ZBTB46: variants seen among roughly 807,000 people sequenced by gnomAD.
The protein encoded by ZBTB46 is zinc finger and BTB domain containing 46, also known as zinc finger and BTB domain-containing protein 46.
Under a neutral mutation model 44.1 loss-of-function variants are expected in ZBTB46, and 8 were observed. The observed-to-expected ratio is 0.18, with a 90% CI of 0.11 to 0.33. The LOEUF (loss-of-function observed/expected upper bound fraction) is 0.33, where lower values mean the gene tolerates loss of function less well. ZBTB46 is among the 10% of genes least tolerant of loss of function. The pLI is 1.00. For missense variants in ZBTB46, 651 were observed against 847.7 expected (o/e 0.77, Z 2.88); for synonymous variants, 409 against 382.3 (o/e 1.07, Z -0.81).
chr20:63,746,709 C>T lies in ZBTB46; in HGVS notation c.*221G>A. ...CCTTCACTCAAACCCACCCTGTGCC[C>T]TCCCCCAACTCACTTCATGTCTGGT... is the stretch of plus-strand genomic sequence containing the variant. On this transcript the variant is annotated 3_prime_UTR_variant, in exon 5 of 5. Transcript: ENST00000245663. The T allele has an allele frequency of 1.5e-6, 1 of 655,660 alleles. No homozygotes were observed. The highest frequency in any genetic ancestry group is 2.4e-6 in the Non-Finnish European group (1 of 425,264). 40.6% of individuals were successfully genotyped at this position (655,660 alleles called of 1,614,324 possible). A position where few individuals can be genotyped will look rare whatever the true frequency, so the allele number is the denominator to read the frequency against.
At chr20:63,776,007 G>C (rs1601442553) in intron 2 of ZBTB46, 45 bp from the exon 3 acceptor site, 4 of 1,502,668 alleles carry the variant, frequency 2.7e-6, no homozygotes, top group Non-Finnish European at 3.5e-6. Flanking sequence ...GTCGTTCCCA[G>C]ACTCTCCAAG....
chr20:63,774,690 T>G (rs910770242), intron 3 of ZBTB46, among the ~76,000 whole-genome samples: 21 of 38,804 alleles, frequency 5.4e-4, no homozygotes, highest in South Asian at 1.7e-3. Flanking sequence ...CTGCGGTGGG[T>G]TTTTTTTGTT....
At chr20:63,828,820 G>A (rs1391876594) in intron 1 of ZBTB46, among the ~76,000 whole-genome samples, 1 of 152,244 alleles carries the variant, frequency 6.6e-6, no homozygotes, top group South Asian at 2.1e-4. Flanking sequence ...TCAGGCTGTG[G>A]AGCCGTCTAG....
At position 63,747,047 on chromosome 20, in the gene ZBTB46, G is replaced by A. The variant is rs200784759; in HGVS notation, c.1653C>T (p.Asp551=). The change falls in exon 5 of 5, where the codon GAC becomes GAT. Residue 551 remains aspartate (D), a synonymous_variant. Coordinates refer to ENST00000245663, the MANE Select transcript of ZBTB46 (RefSeq NM_001369741.1). ...CATCCTCAGGGGCCAGGCCCTCGTC[G>A]TCCTCGCCCAGCTCCTCCGCCTCCC... is the stretch of plus-strand genomic sequence containing the variant. The part of the protein sequence containing the change: ...PRGEAEELGE[D]DEGLAPEDAL... 1.3e-5 allele frequency: 21 copies of A among 1,608,186 alleles called. No homozygotes were observed. In the Middle Eastern group the frequency reaches 4.9e-4, roughly 38 times the overall value.
At chr20:63,824,395 A>G (rs2092809202) in intron 1 of ZBTB46, among the ~76,000 whole-genome samples, 1 of 152,190 alleles carries the variant, frequency 6.6e-6, no homozygotes, top group Non-Finnish European at 1.5e-5. Flanking sequence ...ATGGCATGGA[A>G]AGAGAACACC....
At chr20:63,753,704 G>A (rs930441341) in intron 3 of ZBTB46, among the ~76,000 whole-genome samples, 2 of 152,288 alleles carry the variant, frequency 1.3e-5, no homozygotes, top group Non-Finnish European at 2.9e-5. Flanking sequence ...TTGCTGCTGT[G>A]CAGGACATCT....
At chr20:63,798,914 T>C (rs2092623703) in intron 1 of ZBTB46, among the ~76,000 whole-genome samples, 1 of 151,816 alleles carries the variant, frequency 6.6e-6, no homozygotes, top group African/African-American at 2.4e-5. Context: ...CCCTTGGCTC[T>C]AGAATCAAAC....
chr20:63,766,885 C>A (rs1407933963), intron 3 of ZBTB46, among the ~76,000 whole-genome samples: 1 of 152,192 alleles, frequency 6.6e-6, no homozygotes, highest in East Asian at 1.9e-4. Context: ...GGCCTGGGAG[C>A]GGGCTCCCCC....
intron 1 of ZBTB46, among the ~76,000 whole-genome samples, chr20:63,795,307 G>A (rs746139268): frequency 6.6e-6 from 1 of 152,236 alleles, no homozygotes; most frequent in Non-Finnish European, 1.5e-5. Context: ...CCGTGCAGGT[G>A]CTGGGGGCAC....
chr20:63,791,140 G>C (rs993949329), intron 1 of ZBTB46, among the ~76,000 whole-genome samples: 2 of 152,108 alleles, frequency 1.3e-5, no homozygotes, highest in African/African-American at 4.8e-5. Flanking sequence ...CTGAGAACTC[G>C]GTTAAATGAC....
chr20:63,789,957 C>T lies in ZBTB46; in HGVS notation c.801G>A (p.Thr267=), dbSNP rs116858325. The change falls in exon 2 of 5, where the codon ACG becomes ACA. Residue 267 remains threonine, a synonymous_variant. Coordinates refer to ENST00000245663, the MANE Select transcript of ZBTB46 (RefSeq NM_001369741.1). ...TGTTTTTCCGATTCTTCCTTCGGCC[C>T]GTGGGCTGCCAGGCATCACCAGCAC... The part of the protein sequence containing the change: ...EQSAGDAWQP[T]GRRKNRKNKE... 4.2e-3 allele frequency: 6,720 copies of T among 1,614,124 alleles called. 23 individuals are homozygous for T. The highest frequency in any genetic ancestry group is 5.3e-3 in the Non-Finnish European group (6,270 of 1,180,042).
At chr20:63,765,736 C>T (rs553923437) in intron 3 of ZBTB46, among the ~76,000 whole-genome samples, 2 of 152,208 alleles carry the variant, frequency 1.3e-5, no homozygotes, top group Non-Finnish European at 2.9e-5. Flanking sequence ...ACTTCATATG[C>T]TGAATGAATG....
intron 1 of ZBTB46, among the ~76,000 whole-genome samples, chr20:63,829,773 C>T (rs796136034): frequency 3.3e-5 from 5 of 152,374 alleles, no homozygotes; most frequent in African/African-American, 1.2e-4. Context: ...ATTTTCCACT[C>T]TTGTAGAGTG....
intron 1 of ZBTB46, among the ~76,000 whole-genome samples, chr20:63,805,612 A>G (rs1335544379): frequency 1.3e-5 from 2 of 152,122 alleles, no homozygotes; most frequent in African/African-American, 4.8e-5. Context: ...CTCCAGAGGG[A>G]GCATGGCCCT....
At chr20:63,812,051 C>T (rs188172964) in intron 1 of ZBTB46, among the ~76,000 whole-genome samples, 4 of 152,184 alleles carry the variant, frequency 2.6e-5, no homozygotes, top group Non-Finnish European at 4.4e-5. Context: ...AAAGTGGCGG[C>T]GATCTTTTCG....
At position 63,803,362 on chromosome 20, in the gene ZBTB46, T is replaced by A; in HGVS notation, c.-33-12572A>T. 1.0e-6 allele frequency: 1 copy of A among 985,508 alleles called. No homozygotes were observed. The highest frequency in any genetic ancestry group is 1.2e-6 in the Non-Finnish European group (1 of 829,948). The allele number at this position is 985,508 out of a possible 1,614,324, so 61.0% of individuals were successfully genotyped here. A position where few individuals can be genotyped will look rare whatever the true frequency, so the allele number is the denominator to read the frequency against. Reference sequence around the variant, plus strand: ...CATTGTTCGTGGTCGCATTTCAAAATTTTTAAGTGAGCTCCTGACTAGAAA... The same window carrying A: ...CATTGTTCGTGGTCGCATTTCAAAAATTTTAAGTGAGCTCCTGACTAGAAA... On this transcript the variant is annotated intron_variant, in intron 1 of 4. Coordinates refer to ENST00000245663, the MANE Select transcript of ZBTB46 (RefSeq NM_001369741.1). The surrounding 1 kb of genome is among the most constrained non-coding windows in gnomAD (Gnocchi z 4.0).
rs1224117622 is a variant in ZBTB46 at position 63,746,219 on chromosome 20, G to C, written c.*711C>G. 1 of 152,878 alleles carries C rather than the reference G, an allele frequency of 6.5e-6. No individual in the cohort carries two copies. The highest frequency in any genetic ancestry group is 1.5e-5 in the Non-Finnish European group (1 of 68,188). 9.5% of individuals were successfully genotyped at this position (152,878 alleles called of 1,614,324 possible). A position where few individuals can be genotyped will look rare whatever the true frequency, so the allele number is the denominator to read the frequency against. ...GAGGCCCTTGCAGAGGGAACCTGGT[G>C]TGGCCTGAAGTGGTGGGGGGCACAG... On this transcript the variant is annotated 3_prime_UTR_variant, in exon 5 of 5. Transcript: ENST00000245663.
intron 1 of ZBTB46, among the ~76,000 whole-genome samples, chr20:63,822,059 T>C (rs912908808): frequency 6.6e-5 from 10 of 152,166 alleles, no homozygotes; most frequent in Non-Finnish European, 1.5e-5. Flanking sequence ...AAGAAGCTTT[T>C]TGCGGGAAAA....
chr20:63,792,185 G>A (rs1184817067), intron 1 of ZBTB46, among the ~76,000 whole-genome samples: 1 of 152,126 alleles, frequency 6.6e-6, no homozygotes, highest in Non-Finnish European at 1.5e-5. Context: ...ACATTCTGGG[G>A]TCCTAGGGGG....
Sources: allele counts gnomAD v4.1 joint callset (sites outside exome capture counted in the v4.1 genomes callset), GRCh38; gene constraint gnomAD v4.1.1; non-coding constraint Gnocchi (gnomAD v3.1); transcripts MANE v1.5; gene names NCBI Gene and HGNC (gene_info 2026-07-23, HGNC 2026-07-21).